The following IVD variants were observed in gnomAD, a reference collection of about 807,000 sequenced individuals.
IVD encodes the protein isovaleryl-CoA dehydrogenase, mitochondrial.
IVD carries 31 observed loss-of-function variants against 51.3 expected under a neutral mutation model. The observed-to-expected ratio is 0.60, with a 90% CI of 0.45 to 0.81. The LOEUF is 0.81. IVD is among the 40% of genes least tolerant of loss of function. The pLI is 0.00. For synonymous variants in IVD, 205 were observed against 219.4 expected (o/e 0.93, Z 0.58); for missense variants, 475 against 552.0 (o/e 0.86, Z 1.40).
chr15:40,434,853 G>C (rs1213755197), intron 8 of IVD, among the ~76,000 whole-genome samples: 1 of 152,200 alleles, frequency 6.6e-6, no homozygotes, highest in East Asian at 1.9e-4. Flanking sequence ...GCTATAGCAT[G>C]AGGCTTCACT....
intron 8 of IVD, among the ~76,000 whole-genome samples, chr15:40,434,670 G>A (rs1010587215): frequency 6.6e-6 from 1 of 152,202 alleles, no homozygotes; most frequent in African/African-American, 2.4e-5. Flanking sequence ...CCTGAGCTTC[G>A]GGAGACCTTT....
intron 7 of IVD, 80 bp downstream of exon 7, chr15:40,413,167 C>T: frequency 8.5e-7 from 1 of 1,169,778 alleles, no homozygotes; most frequent in African/African-American, 1.5e-5. Context: ...TTGAGAAAGC[C>T]TCTGGGTTAG....
downstream of IVD, among the ~76,000 whole-genome samples, chr15:40,422,115 C>T (rs1892343962): frequency 6.6e-6 from 1 of 152,242 alleles, no homozygotes; most frequent in Non-Finnish European, 1.5e-5. Context: ...TGCCGGCTGC[C>T]CGCGGGGTTG....
chr15:40,419,377 G>T lies in IVD; in HGVS notation c.*1114G>T, dbSNP rs1187254678. On this transcript the variant is annotated 3_prime_UTR_variant, in exon 12 of 12. Transcript: ENST00000487418. ...AATACAAAAATTAGCCAGGGGTGGTGGTGCACGTCTGTAATCCCAGCTACT... is the reference window on the plus strand; with the variant it reads ...AATACAAAAATTAGCCAGGGGTGGTTGTGCACGTCTGTAATCCCAGCTACT... The T allele has an allele frequency of 9.3e-6, 4 of 428,308 alleles. No homozygotes were observed. The highest frequency in any genetic ancestry group is 1.2e-5 in the Non-Finnish European group (3 of 241,362). The allele number at this position is 428,308 out of a possible 1,614,324, so 26.5% of individuals were successfully genotyped here.
At chr15:40,413,129 C>G in intron 7 of IVD, 42 bp downstream of exon 7, 1 of 1,487,766 alleles carries the variant, frequency 6.7e-7, no homozygotes, top group Non-Finnish European at 9.4e-7. Context: ...TCCTGACCCC[C>G]TTCCAGGCTG....
chr15:40,421,322 G>A (rs1480955654), downstream of IVD: 14 of 985,314 alleles, frequency 1.4e-5, no homozygotes, highest in Non-Finnish European at 1.7e-5. Context: ...TGCAGCCTGA[G>A]TGGTAAATGG....
intron 6 of IVD, among the ~76,000 whole-genome samples, chr15:40,412,341 G>A (rs546988260): frequency 6.6e-6 from 1 of 152,318 alleles, no homozygotes; most frequent in Non-Finnish European, 1.5e-5. Context: ...TGTGAAGGCT[G>A]GGGCCACGAG....
At chr15:40,415,346 C>T in intron 8 of IVD, 55 bp from the exon 9 acceptor site, 1 of 1,486,580 alleles carries the variant, frequency 6.7e-7, no homozygotes, top group South Asian at 1.1e-5. Flanking sequence ...ATTTTGCCAC[C>T]ACACCCGGTG....
chr15:40,411,817 T>A (rs1891120424), intron 6 of IVD, 126 bp downstream of exon 6: 2 of 1,174,920 alleles, frequency 1.7e-6, no homozygotes, highest in East Asian at 2.5e-5. Context: ...GAGGTGGGGG[T>A]GAGGCAGAGA....
intron 11 of IVD, 104 bp from the exon 12 acceptor site, chr15:40,418,024 AAT>A: frequency 7.1e-7 from 1 of 1,408,490 alleles, no homozygotes; most frequent in Non-Finnish European, 9.8e-7. Flanking sequence ...GCTTTTCTTT[AAT>A]CACCCTCTCC....
chr15:40,414,827 T>A, intron 7 of IVD, 62 bp from the exon 8 acceptor site: 1 of 1,604,882 alleles, frequency 6.2e-7, no homozygotes, highest in South Asian at 1.1e-5. Flanking sequence ...ATCTAGTACC[T>A]TTGATAAAAG....
chr15:40,423,879 G>A (rs915382673), downstream of IVD, among the ~76,000 whole-genome samples: 5 of 152,206 alleles, frequency 3.3e-5, no homozygotes, highest in Admixed American at 1.3e-4. Flanking sequence ...AAATCAGGTG[G>A]TGCAGAGCCC....
At chr15:40,431,408 T>G (rs976299064) in intron 7 of IVD, among the ~76,000 whole-genome samples, 1 of 152,074 alleles carries the variant, frequency 6.6e-6, no homozygotes, top group African/African-American at 2.4e-5. Context: ...ATTAAGAGTA[T>G]GTGTAGGCCG....
intron 7 of IVD, chr15:40,414,417 C>A: frequency 4.9e-6 from 1 of 204,338 alleles, no homozygotes; most frequent in African/African-American, 2.2e-5. Flanking sequence ...TGCTCAGCAG[C>A]TTCTGTCACT....
intron 2 of IVD, 106 bp downstream of exon 2, chr15:40,407,831 A>G: frequency 6.9e-7 from 1 of 1,452,078 alleles, no homozygotes; most frequent in Non-Finnish European, 9.7e-7. Flanking sequence ...AGCCTCTCTA[A>G]GAATGCAGCC....
downstream of IVD, among the ~76,000 whole-genome samples, chr15:40,427,774 A>ACTTGAT (rs1216942984): frequency 7.9e-5 from 12 of 152,266 alleles, no homozygotes; most frequent in African/African-American, 2.9e-4. Context: ...GTGAAGGAAG[A>ACTTGAT]CTTGATGTCC....
At position 40,407,986 on chromosome 15, in the gene IVD, C is replaced by T; in HGVS notation, c.282C>T (p.Ala94=). Residue 94 remains alanine, a synonymous_variant, in exon 3 of 12, where the codon GCC becomes GCT. Transcript: ENST00000487418. ...ACCTGGGCGTATTGGGCATCACAGC[C>T]CCTGGTGAGTATAGTGTCTTTCCCT... The part of the protein sequence containing the change: ...LGNLGVLGIT[A]PVQYGGSGLG... 6.2e-7 allele frequency: 1 copy of T among 1,613,988 alleles called. No individual in the cohort carries two copies. The highest frequency in any genetic ancestry group is 1.1e-5 in the South Asian group (1 of 91,076).
At chr15:40,415,090 C>T in intron 8 of IVD, 108 bp downstream of exon 8, 1 of 1,269,638 alleles carries the variant, frequency 7.9e-7, no homozygotes, top group Non-Finnish European at 1.1e-6. Flanking sequence ...GGAGCTGCCT[C>T]TTGGCCCTGC....
Position 40,418,370 on chromosome 15 carries a change from C to T in IVD, c.*107C>T. On this transcript the variant is annotated 3_prime_UTR_variant, in exon 12 of 12. Transcript: ENST00000487418. ...CACAGCAGGCCCTCCTGCCCAGCTG[C>T]TCTTGTCAGCCCTCTGGCCTCTGGA... 6.3e-7 allele frequency: 1 copy of T among 1,595,880 alleles called. No individual in the cohort carries two copies. The highest frequency in any genetic ancestry group is 1.1e-5 in the South Asian group (1 of 89,758).
Sources: allele counts gnomAD v4.1 joint callset (sites outside exome capture counted in the v4.1 genomes callset), GRCh38; gene constraint gnomAD v4.1.1; transcripts MANE v1.5; gene names NCBI Gene and HGNC (gene_info 2026-07-23, HGNC 2026-07-21).